The following PRORP variants were observed in gnomAD, a reference collection of about 807,000 sequenced individuals.
PRORP encodes the protein protein only RNase P catalytic subunit, also known as mitochondrial ribonuclease P catalytic subunit.
PRORP carries 51 observed loss-of-function variants against 59.4 expected under a neutral mutation model. The ratio of observed to expected loss-of-function variants is 0.86; its 90% confidence interval spans 0.69 to 1.08. PRORP has a LOEUF of 1.08. Ranked by LOEUF, PRORP falls within the 50% of genes least tolerant of loss-of-function variation. PRORP has a pLI of 0.00. For missense variants in PRORP, 646 were observed against 690.3 expected, an observed-to-expected ratio of 0.94 and a Z score of 0.72; for synonymous variants, 231 against 245.6, an observed-to-expected ratio of 0.94 and a Z score of 0.55.
chr14:35,215,784 G>T (rs1360098878), intron 5 of PRORP, among the ~76,000 whole-genome samples: 1 of 151,216 alleles, frequency 6.6e-6, no homozygotes, highest in Non-Finnish European at 1.5e-5. Flanking sequence ...TTTTTCTTGG[G>T]GGGACAGGGT....
intron 4 of PRORP, among the ~76,000 whole-genome samples, chr14:35,146,813 G>T (rs550677981): frequency 1.3e-5 from 2 of 152,248 alleles, no homozygotes; most frequent in African/African-American, 4.8e-5. Context: ...TCTTTCCATG[G>T]CTGGATATGG....
chr14:35,262,012 C>T (rs2050916969), intron 5 of PRORP, among the ~76,000 whole-genome samples: 1 of 152,092 alleles, frequency 6.6e-6, no homozygotes, highest in Admixed American at 6.6e-5. Context: ...TCTTTGGGCC[C>T]CAGTCTTTAA....
chr14:35,183,443 T>C (rs1052669792), intron 5 of PRORP, among the ~76,000 whole-genome samples: 2 of 152,150 alleles, frequency 1.3e-5, no homozygotes, highest in Admixed American at 6.5e-5. Context: ...AAAATAATTT[T>C]GTAATACTCT....
chr14:35,198,699 G>T (rs1335618835), intron 5 of PRORP, among the ~76,000 whole-genome samples: 1 of 152,226 alleles, frequency 6.6e-6, no homozygotes, highest in East Asian at 1.9e-4. Context: ...AGGTACTTAT[G>T]TAAGTTCTAG....
intron 5 of PRORP, among the ~76,000 whole-genome samples, chr14:35,244,747 C>T (rs770261611): frequency 6.6e-6 from 1 of 152,044 alleles, no homozygotes; most frequent in Admixed American, 6.6e-5. Context: ...TAAGAAGTTC[C>T]CTGTGTGTCC....
intron 5 of PRORP, among the ~76,000 whole-genome samples, chr14:35,249,419 A>G (rs1050519124): frequency 7.2e-5 from 11 of 151,984 alleles, no homozygotes; most frequent in Non-Finnish European, 1.5e-4. Context: ...CTATCTCTAC[A>G]AAAAATAAAA....
intron 4 of PRORP, among the ~76,000 whole-genome samples, chr14:35,152,619 C>T (rs925557993): frequency 7.9e-5 from 12 of 151,464 alleles, no homozygotes; most frequent in South Asian, 2.1e-4. Flanking sequence ...CCCCCACCTC[C>T]GCCTCCCTCC....
chr14:35,175,027 A>G (rs2048412635), intron 4 of PRORP, among the ~76,000 whole-genome samples: 1 of 151,810 alleles, frequency 6.6e-6, no homozygotes, highest in Non-Finnish European at 1.5e-5. Context: ...TTTGCTCAGA[A>G]TGATGGTTTC....
At chr14:35,232,748 C>A (rs954874424) in intron 5 of PRORP, among the ~76,000 whole-genome samples, 1 of 152,144 alleles carries the variant, frequency 6.6e-6, no homozygotes, top group African/African-American at 2.4e-5. Flanking sequence ...TCTTGGCTCA[C>A]TGCAACCTCC....
At chr14:35,261,798 G>A (rs1566534856) in intron 5 of PRORP, among the ~76,000 whole-genome samples, 2 of 152,228 alleles carry the variant, frequency 1.3e-5, no homozygotes, top group East Asian at 1.9e-4. Flanking sequence ...TCCAGCCTTC[G>A]AATTTACCCG....
chr14:35,185,447 A>G (rs920423647), intron 5 of PRORP, among the ~76,000 whole-genome samples: 5 of 152,228 alleles, frequency 3.3e-5, no homozygotes, highest in Non-Finnish European at 5.9e-5. Context: ...TGACAATGTA[A>G]TAAAAGACAG....
chr14:35,184,103 C>T (rs143734073), intron 5 of PRORP, among the ~76,000 whole-genome samples: 270 of 151,756 alleles, frequency 1.8e-3, no homozygotes, highest in African/African-American at 6.2e-3. Flanking sequence ...ACATTTTTCT[C>T]GGTCCTTTTA....
chr14:35,229,880 GA>G (rs969710854), intron 5 of PRORP, among the ~76,000 whole-genome samples: 2 of 151,608 alleles, frequency 1.3e-5, no homozygotes, highest in African/African-American at 2.4e-5. Flanking sequence ...GACCTCCCTA[GA>G]CCCCACTTTT....
intron 5 of PRORP, among the ~76,000 whole-genome samples, chr14:35,199,123 G>A (rs28625199): frequency 0.054 from 8,171 of 151,928 alleles, 340 homozygotes; most frequent in African/African-American, 0.11. Flanking sequence ...AGCCGAAATC[G>A]TGCCATTGCA....
At chr14:35,168,129 T>C (rs1269312234) in intron 4 of PRORP, among the ~76,000 whole-genome samples, 1 of 152,218 alleles carries the variant, frequency 6.6e-6, no homozygotes, top group Admixed American at 6.5e-5. Flanking sequence ...CTGTGAATAC[T>C]CATAAATGGG....
At chr14:35,207,143 A>C (rs1205063433) in intron 5 of PRORP, among the ~76,000 whole-genome samples, 1 of 152,118 alleles carries the variant, frequency 6.6e-6, no homozygotes, top group Non-Finnish European at 1.5e-5. Context: ...AAACAAATGT[A>C]TACTGTCAGG....
At chr14:35,172,210 G>A (rs1028683415) in intron 4 of PRORP, among the ~76,000 whole-genome samples, 5 of 151,176 alleles carry the variant, frequency 3.3e-5, no homozygotes, top group Admixed American at 2.6e-4. Flanking sequence ...CACCACATCC[G>A]GCTAATTTTT....
chr14:35,171,577 C>A (rs2048313073), intron 4 of PRORP, among the ~76,000 whole-genome samples: 1 of 151,820 alleles, frequency 6.6e-6, no homozygotes, highest in South Asian at 2.1e-4. Context: ...TAAGATTTTT[C>A]TATTTTTGAT....
At chr14:35,128,405 A>T in intron 4 of PRORP, among the ~76,000 whole-genome samples, 1 of 151,712 alleles carries the variant, frequency 6.6e-6, no homozygotes, top group East Asian at 1.9e-4. Flanking sequence ...GAATAGTTTG[A>T]ATAGGATTGC....
Sources: gnomAD v4.1 joint callset for allele counts (sites outside exome capture counted in the v4.1 genomes callset) on GRCh38, gnomAD v4.1.1 for gene constraint, MANE v1.5 for transcripts, NCBI Gene and HGNC (gene_info 2026-07-23, HGNC 2026-07-21) for gene names.